SUMF2: variants seen among roughly 807,000 people sequenced by gnomAD.
SUMF2 encodes the protein inactive C-alpha-formylglycine-generating enzyme 2.
In SUMF2, 45 loss-of-function variants were observed where a neutral mutation model predicts 44.8. That is an observed-to-expected ratio of 1.00 (90% CI 0.79 to 1.29). SUMF2 has a LOEUF of 1.29. SUMF2 is among the 50% of genes most tolerant of loss of function. The pLI, the probability that SUMF2 is intolerant of heterozygous loss-of-function variation, is 0.00. For synonymous variants in SUMF2, 148 were observed against 150.4 expected (o/e 0.98, Z 0.12); for missense variants, 418 against 389.9 (o/e 1.07, Z -0.61).
rs1794967220 is a variant in SUMF2 at position 56,068,642 on chromosome 7, C to T, written c.224+4C>T. 1 of 1,610,846 alleles carries T rather than the reference C, an allele frequency of 6.2e-7. No homozygotes were observed. Among genetic ancestry groups the T allele is most frequent in the Non-Finnish European group, 8.5e-7 (1 of 1,178,318 alleles). On this transcript the variant is annotated splice_donor_region_variant and intron_variant, in intron 2 of 8. Coordinates refer to ENST00000434526, the MANE Select transcript of SUMF2 (RefSeq NM_015411.4). Reference sequence around the variant, plus strand: ...CTGTCACCAACAAAGATTTCAGGTACATCAGGTATTCTTCCAGGAGGAATG... The same window carrying T: ...CTGTCACCAACAAAGATTTCAGGTATATCAGGTATTCTTCCAGGAGGAATG...
At chr7:56,087,868 A>G in the SUMF2 span, 1 of 972,156 alleles carries the variant, frequency 1.0e-6, no homozygotes, top group Non-Finnish European at 1.6e-6. Context: ...CCTGCCCTTG[A>G]CAGAGATTTA....
chr7:56,079,548 C>T lies in SUMF2; in HGVS notation c.842C>T (p.Ser281Leu). 1 of 1,613,570 alleles carries T rather than the reference C, an allele frequency of 6.2e-7. No homozygotes were observed. Among genetic ancestry groups the T allele is most frequent in the Non-Finnish European group, 8.5e-7 (1 of 1,179,566 alleles). The change falls in exon 9 of 9, where the codon TCA (serine) becomes TTA (leucine). Residue 281 changes from serine (S) to leucine (L), a missense_variant. Coordinates refer to ENST00000434526, the MANE Select transcript of SUMF2 (RefSeq NM_015411.4). ...VTTRMGNTPD[S>L]ASDNLGFRCA... The stretch of plus-strand genomic sequence containing the variant: ...GGCAGGATGGGCAACACTCCAGATT[C>T]AGCCTCAGACAACCTCGGTTTCCGC...
chr7:56,079,861 A>G lies in SUMF2; in HGVS notation c.*249A>G. ...GGCCAGGTGTTTCTGTTAGAGGCCA[A>G]GTATTATTGACACAGGATTGCAAAC... On this transcript the variant is annotated 3_prime_UTR_variant, in exon 9 of 9. Coordinates refer to ENST00000434526, the MANE Select transcript of SUMF2 (RefSeq NM_015411.4). 6.5e-7 allele frequency: 1 copy of G among 1,546,902 alleles called. No individual in the cohort carries two copies. The highest frequency in any genetic ancestry group is 8.7e-7 in the Non-Finnish European group (1 of 1,144,066).
chr7:56,074,524 C>T (rs1795401777), intron 4 of SUMF2, 62 bp from the exon 5 acceptor site: 2 of 1,593,438 alleles, frequency 1.3e-6, no homozygotes, highest in East Asian at 4.5e-5. Flanking sequence ...GCGCCCTAAA[C>T]CTAGCCTGCC....
In SUMF2 at chr7:56,068,696, C is replaced by CT; in HGVS notation, c.224+61dup. On this transcript the variant is annotated intron_variant, in intron 2 of 8. Coordinates refer to ENST00000434526, the MANE Select transcript of SUMF2 (RefSeq NM_015411.4). ...ACCCTCTCTAATCTCATTCTTTTTT[C>CT]TTTCTTTTTTTTTTTTTTGTTTTTT... is the stretch of plus-strand genomic sequence containing the variant. 2.0e-6 allele frequency: 3 copies of CT among 1,481,042 alleles called. No individual in the cohort carries two copies. In the Admixed American group the frequency reaches 7.1e-5, roughly 35 times the overall value. 91.7% of individuals were successfully genotyped at this position (1,481,042 alleles called of 1,614,324 possible).
rs1427231774 is a variant in SUMF2, at chr7:56,076,870, A to G, written c.572A>G (p.Asn191Ser). 3 of 1,606,246 alleles carry G rather than the reference A, an allele frequency of 1.9e-6. No individual in the cohort carries two copies. The highest frequency in any genetic ancestry group is 2.7e-5 in the African/African-American group (2 of 74,640). Reference sequence around the variant, plus strand: ...CCATGGGGGAACTGGTTCCAGCCAAACCGCACCAACCTGTGGCAGGTAAGA... The same window carrying G: ...CCATGGGGGAACTGGTTCCAGCCAAGCCGCACCAACCTGTGGCAGGTAAGA... ...VYPWGNWFQP[N>S]RTNLWQGKFP... Residue 191 changes from asparagine to serine, a missense_variant, in exon 6 of 9, where the codon AAC (asparagine) becomes AGC (serine). Coordinates refer to ENST00000434526, the MANE Select transcript of SUMF2 (RefSeq NM_015411.4).
chr7:56,072,868 C>A, intron 2 of SUMF2, 129 bp from the exon 3 acceptor site: 2 of 643,034 alleles, frequency 3.1e-6, no homozygotes, highest in East Asian at 2.6e-5. Context: ...AGGTTAATTC[C>A]TTGGCAATCA....
chr7:56,087,658 G>A, the SUMF2 span: 8 of 1,613,786 alleles, frequency 5.0e-6, no homozygotes, highest in African/African-American at 8.0e-5. Flanking sequence ...GTGGCTTCTC[G>A]CAGCTCCCGC....
the SUMF2 span, chr7:56,087,032 G>A: frequency 6.2e-7 from 1 of 1,611,936 alleles, no homozygotes. Flanking sequence ...GTACTGAAAT[G>A]GAAATGGCTA....
At chr7:56,081,703 G>T, downstream of SUMF2, 1 of 1,613,828 alleles carries the variant, frequency 6.2e-7, no homozygotes, top group African/African-American at 1.3e-5. This position sits in a 1 kb window ranked among gnomAD's most constrained non-coding sequence, Gnocchi z 4.6. Context: ...GTGTGCCAAG[G>T]CCTCTTCCGC....
intron 1 of SUMF2, among the ~76,000 whole-genome samples, chr7:56,066,651 G>A (rs1465581138): frequency 2.0e-5 from 3 of 152,074 alleles, no homozygotes; most frequent in Admixed American, 6.6e-5. Context: ...ACGGAGTCTC[G>A]CTCCTGTCGC....
At chr7:56,071,963 G>C (rs1354217962) in intron 2 of SUMF2, among the ~76,000 whole-genome samples, 2 of 148,158 alleles carry the variant, frequency 1.3e-5, no homozygotes, top group Non-Finnish European at 3.0e-5. Context: ...ACAAAAATTA[G>C]TGGGCATGGT....
chr7:56,075,198 T>A (rs1215281366), intron 5 of SUMF2, among the ~76,000 whole-genome samples: 3 of 151,450 alleles, frequency 2.0e-5, no homozygotes, highest in African/African-American at 7.3e-5. Flanking sequence ...TTTTTTTTTT[T>A]AATTTCTAGT....
chr7:56,081,520 G>A (rs991847978), downstream of SUMF2: 1 of 1,350,264 alleles, frequency 7.4e-7, no homozygotes, highest in Non-Finnish European at 1.0e-6. The surrounding 1 kb of genome is among the most constrained non-coding windows in gnomAD (Gnocchi z 4.6). Flanking sequence ...GCTGGGAGGG[G>A]AGGGATGGGT....
At chr7:56,072,492 A>G (rs1795242413) in intron 2 of SUMF2, among the ~76,000 whole-genome samples, 1 of 150,588 alleles carries the variant, frequency 6.6e-6, no homozygotes, top group Non-Finnish European at 1.5e-5. Context: ...TGGGAGGCCG[A>G]GGCAGGTGGA....
chr7:56,087,535 T>C, the SUMF2 span: 21 of 1,526,620 alleles, frequency 1.4e-5, no homozygotes, highest in South Asian at 2.3e-4. Context: ...ACTCCCTGGC[T>C]TGGGCTGTCA....
At chr7:56,081,154 T>C, downstream of SUMF2, 2 of 1,613,726 alleles carry the variant, frequency 1.2e-6, no homozygotes, top group African/African-American at 1.3e-5. This position sits in a 1 kb window ranked among gnomAD's most constrained non-coding sequence, Gnocchi z 4.6. Flanking sequence ...CCAGTGGCCA[T>C]AGATTCGGAA....
intron 8 of SUMF2, 98 bp downstream of exon 8, chr7:56,078,606 T>A: frequency 7.3e-7 from 1 of 1,364,426 alleles, no homozygotes; most frequent in Non-Finnish European, 9.7e-7. Flanking sequence ...CCACCAACCG[T>A]CTGTGTGTGA....
At chr7:56,075,627 A>C (rs1795486558) in intron 5 of SUMF2, among the ~76,000 whole-genome samples, 1 of 150,842 alleles carries the variant, frequency 6.6e-6, no homozygotes, top group African/African-American at 2.4e-5. Flanking sequence ...TGAACCTGGC[A>C]GGTGGAGGTT....
Sources: gnomAD v4.1 joint callset for allele counts (sites outside exome capture counted in the v4.1 genomes callset) on GRCh38, gnomAD v4.1.1 for gene constraint, Gnocchi (gnomAD v3.1) non-coding constraint, MANE v1.5 for transcripts, NCBI Gene and HGNC (gene_info 2026-07-23, HGNC 2026-07-21) for gene names.